CCDC178: variants seen among roughly 807,000 people sequenced by gnomAD.
CCDC178 encodes coiled-coil domain-containing protein 178.
CCDC178 carries 126 observed loss-of-function variants against 117.4 expected under a neutral mutation model. That is an observed-to-expected ratio of 1.07 (90% CI 0.93 to 1.24). The LOEUF is 1.24. CCDC178 is among the 50% of genes most tolerant of loss of function. The probability of loss-of-function intolerance (pLI) is 0.00; values close to 1 mark genes in which losing one functional copy is unlikely to be tolerated. For missense variants in CCDC178, 1,030 were observed against 986.9 expected (o/e 1.04, Z -0.59); for synonymous variants, 283 against 313.4 (o/e 0.90, Z 1.02).
At chr18:33,388,121 C>T (rs1351839958) in intron 5 of CCDC178, among the ~76,000 whole-genome samples, 1 of 152,128 alleles carries the variant, frequency 6.6e-6, no homozygotes, top group Non-Finnish European at 1.5e-5. Context: ...AAAAGCTCAA[C>T]ATCACTGATC....
chr18:32,953,425 T>C (rs1174314354), intron 22 of CCDC178, among the ~76,000 whole-genome samples: 1 of 152,194 alleles, frequency 6.6e-6, no homozygotes, highest in Non-Finnish European at 1.5e-5. Context: ...ACTTTCCACA[T>C]TTTTCTATCT....
intron 21 of CCDC178, among the ~76,000 whole-genome samples, chr18:33,023,228 C>T (rs11662813): frequency 0.34 from 51,737 of 151,968 alleles, 11,065 homozygotes; most frequent in Non-Finnish European, 0.47. Flanking sequence ...CATCAATCAA[C>T]AGGGTTTAAT....
intron 21 of CCDC178, among the ~76,000 whole-genome samples, chr18:32,981,543 A>G (rs749805288): frequency 4.6e-5 from 7 of 152,218 alleles, no homozygotes; most frequent in Non-Finnish European, 8.8e-5. Context: ...TCTTTAAAGA[A>G]CAAAACCTAT....
At chr18:33,145,493 C>G (rs528317398) in intron 20 of CCDC178, among the ~76,000 whole-genome samples, 1 of 152,102 alleles carries the variant, frequency 6.6e-6, no homozygotes, top group Non-Finnish European at 1.5e-5. Context: ...GAAATGTTAT[C>G]TAGTTCATCA....
At chr18:33,259,831 CATA>C (rs1457770591) in intron 14 of CCDC178, among the ~76,000 whole-genome samples, 2 of 152,026 alleles carry the variant, frequency 1.3e-5, no homozygotes, top group Admixed American at 6.6e-5. Context: ...TAGAACCTAC[CATA>C]ATGTCTGCAT....
chr18:33,045,805 G>A (rs1233810985), intron 21 of CCDC178, among the ~76,000 whole-genome samples: 2 of 152,172 alleles, frequency 1.3e-5, no homozygotes, highest in Admixed American at 1.3e-4. Context: ...GGTGACTGGT[G>A]CCTGTAATCC....
At chr18:33,211,535 T>G (rs992318415) in intron 20 of CCDC178, among the ~76,000 whole-genome samples, 3 of 151,652 alleles carry the variant, frequency 2.0e-5, no homozygotes, top group Admixed American at 2.0e-4. Context: ...TTGGTAAACA[T>G]TCAAAGTATA....
intron 21 of CCDC178, among the ~76,000 whole-genome samples, chr18:33,038,710 A>T (rs1289605133): frequency 6.6e-6 from 1 of 152,060 alleles, no homozygotes; most frequent in Non-Finnish European, 1.5e-5. Context: ...GCAGTGAGGT[A>T]GAATGAGGTT....
intron 1 of CCDC178, among the ~76,000 whole-genome samples, chr18:33,440,295 G>GGGACTGGA: frequency 7.4e-6 from 1 of 135,170 alleles, no homozygotes; most frequent in Non-Finnish European, 1.6e-5. Context: ...TGGGGACTGG[G>GGGACTGGA]GGACTGGGGG....
chr18:33,411,799 A>G (rs1407465811), intron 3 of CCDC178, among the ~76,000 whole-genome samples: 2 of 152,098 alleles, frequency 1.3e-5, no homozygotes, highest in Non-Finnish European at 2.9e-5. Context: ...TACCTATAAC[A>G]CAGTTCATCC....
chr18:33,211,852 C>T (rs914396436), intron 20 of CCDC178, 44 bp downstream of exon 20: 1 of 1,508,860 alleles, frequency 6.6e-7, no homozygotes, highest in Admixed American at 2.2e-5. Context: ...ATTTGACTAT[C>T]ACTATATTCC....
intron 2 of CCDC178, 149 bp from the exon 3 acceptor site, chr18:33,412,259 G>T: frequency 2.5e-6 from 1 of 396,074 alleles, no homozygotes; most frequent in East Asian, 4.1e-5. Context: ...TTTCTTATTA[G>T]GACTATTACG....
At chr18:33,351,081 C>T (rs543938375) in intron 7 of CCDC178, among the ~76,000 whole-genome samples, 4 of 151,568 alleles carry the variant, frequency 2.6e-5, no homozygotes, top group African/African-American at 7.3e-5. Context: ...GGGCTTGTGT[C>T]ACATGTTAAC....
intron 21 of CCDC178, among the ~76,000 whole-genome samples, chr18:33,005,570 C>T (rs1456786876): frequency 6.6e-6 from 1 of 151,778 alleles, no homozygotes; most frequent in Non-Finnish European, 1.5e-5. Flanking sequence ...TGACAACAGA[C>T]AACAATAACT....
chr18:33,309,992 T>C (rs2062315950), intron 11 of CCDC178, among the ~76,000 whole-genome samples: 1 of 150,218 alleles, frequency 6.7e-6, no homozygotes, highest in African/African-American at 2.5e-5. Flanking sequence ...TATTTTGAGA[T>C]GGAGTCTCAC....
intron 20 of CCDC178, among the ~76,000 whole-genome samples, chr18:33,137,676 T>C (rs1012152485): frequency 3.3e-5 from 5 of 152,254 alleles, no homozygotes; most frequent in African/African-American, 1.2e-4. Flanking sequence ...ATGTGGTTTC[T>C]ACTTTAGACA....
intron 10 of CCDC178, among the ~76,000 whole-genome samples, chr18:33,329,746 T>A (rs146129087): frequency 6.6e-6 from 1 of 152,144 alleles, no homozygotes; most frequent in African/African-American, 2.4e-5. Context: ...TACTGGTCTA[T>A]AATTTACTTC....
chr18:33,078,381 G>A (rs1261206834), intron 21 of CCDC178, among the ~76,000 whole-genome samples: 1 of 152,088 alleles, frequency 6.6e-6, no homozygotes, highest in Non-Finnish European at 1.5e-5. Flanking sequence ...CAAGACAAGA[G>A]TGCTCTCTCC....
chr18:33,162,941 T>C (rs28378753), intron 20 of CCDC178, among the ~76,000 whole-genome samples: 10,424 of 152,192 alleles, frequency 0.068, 609 homozygotes, highest in African/African-American at 0.16. Flanking sequence ...TTCCCTTGGA[T>C]ATAAACTCAG....
Sources: allele counts gnomAD v4.1 joint callset (sites outside exome capture counted in the v4.1 genomes callset), GRCh38; gene constraint gnomAD v4.1.1; transcripts MANE v1.5; gene names NCBI Gene and HGNC (gene_info 2026-07-23, HGNC 2026-07-21).